Variants in HS3ST1 observed in about 807,000 individuals in gnomAD.
HS3ST1 encodes heparan sulfate-glucosamine 3-sulfotransferase 1, also known as heparan sulfate glucosamine 3-O-sulfotransferase 1.
Under a neutral mutation model 20.7 loss-of-function variants are expected in HS3ST1, and 8 were observed. That is an observed-to-expected ratio of 0.39 (90% CI 0.23 to 0.70). The LOEUF (loss-of-function observed/expected upper bound fraction) is 0.70, where lower values mean the gene tolerates loss of function less well. Among genes scored for constraint, HS3ST1 ranks in the 30% least tolerant of loss-of-function variants. The pLI is 0.46. For missense variants in HS3ST1, 436 were observed against 423.4 expected, an observed-to-expected ratio of 1.03 and a Z score of -0.26; for synonymous variants, 205 against 190.4, an observed-to-expected ratio of 1.08 and a Z score of -0.63.
At chr4:11,406,803 A>G (rs116734864) in intron 1 of HS3ST1, among the ~76,000 whole-genome samples, 1 of 151,930 alleles carries the variant, frequency 6.6e-6, no homozygotes, top group African/African-American at 2.4e-5. Flanking sequence ...GAGTGATTTA[A>G]TTTTCTGGAA....
upstream of HS3ST1, among the ~76,000 whole-genome samples, chr4:11,432,813 A>G (rs1300149356): frequency 6.6e-6 from 1 of 152,234 alleles, no homozygotes; most frequent in Non-Finnish European, 1.5e-5. Context: ...GGTCACAGCC[A>G]TAAAACATGG....
chr4:11,416,015 T>A (rs757215262), intron 1 of HS3ST1, among the ~76,000 whole-genome samples: 21 of 152,022 alleles, frequency 1.4e-4, no homozygotes, highest in Non-Finnish European at 2.8e-4. Flanking sequence ...CTAGAACAGG[T>A]GCCTTCCTGG....
intron 1 of HS3ST1, among the ~76,000 whole-genome samples, chr4:11,420,157 GCA>G (rs1718891909): frequency 6.6e-6 from 1 of 152,174 alleles, no homozygotes; most frequent in Admixed American, 6.5e-5. Context: ...GATATTACAC[GCA>G]ACAGGAACTG....
At position 11,399,769 on chromosome 4, in the gene HS3ST1, G is replaced by A. The variant is rs767267497; in HGVS notation, c.237C>T (p.Asp79=). 3.7e-6 allele frequency: 6 copies of A among 1,613,606 alleles called. No individual in the cohort carries two copies. In the African/African-American group the frequency reaches 5.3e-5, roughly 14 times the overall value. ...GGACCTCGTTCTCCGCGGCCGCCAC[G>A]TCGGGGTGCAGGCTGAGCATCTCCA... The part of the protein sequence containing the change: ...ALLEMLSLHP[D]VAAAENEVHF... The change falls in exon 2 of 2, where the codon GAC becomes GAT. Residue 79 remains aspartate, a synonymous_variant. Coordinates refer to ENST00000002596, the MANE Select transcript of HS3ST1 (RefSeq NM_005114.4). The surrounding 1 kb of genome is among the most constrained non-coding windows in gnomAD (Gnocchi z 5.1).
upstream of HS3ST1, chr4:11,429,075 G>C (rs557233209): frequency 1.6e-4 from 25 of 152,578 alleles, no homozygotes; most frequent in African/African-American, 4.6e-4. Context: ...AGTCCGGCCC[G>C]CTAGGTGCCT....
At chr4:11,417,051 A>G (rs943940301) in intron 1 of HS3ST1, among the ~76,000 whole-genome samples, 5 of 152,182 alleles carry the variant, frequency 3.3e-5, no homozygotes, top group East Asian at 1.9e-4. Flanking sequence ...AGGTATGTAT[A>G]CAGAACAGAG....
chr4:11,398,833 T>C lies in HS3ST1; in HGVS notation c.*249A>G, dbSNP rs185978021. The C allele has an allele frequency of 9.6e-5, 32 of 333,062 alleles. No homozygotes were observed. Among genetic ancestry groups the C allele is most frequent in the African/African-American group, 5.9e-4 (28 of 47,220 alleles). 20.6% of individuals were successfully genotyped at this position (333,062 alleles called of 1,614,324 possible). A position where few individuals can be genotyped will look rare whatever the true frequency, so the allele number is the denominator to read the frequency against. On this transcript the variant is annotated 3_prime_UTR_variant, in exon 2 of 2. Transcript: ENST00000002596. ...TTTTTTTTTTTTCAGTGAAATAGTT[T>C]AGTTCCTTCATATAGAGACATATTA...
intron 1 of HS3ST1, among the ~76,000 whole-genome samples, chr4:11,409,755 C>T (rs949605265): frequency 3.3e-5 from 5 of 152,254 alleles, no homozygotes; most frequent in Non-Finnish European, 7.3e-5. Context: ...GCTGGGACTT[C>T]CTCCACTGTG....
At chr4:11,434,032 C>G (rs1335586629), upstream of HS3ST1, among the ~76,000 whole-genome samples, 1 of 152,160 alleles carries the variant, frequency 6.6e-6, no homozygotes, top group Non-Finnish European at 1.5e-5. Context: ...TAGAGTATGT[C>G]CCTATTGTCC....
intron 1 of HS3ST1, among the ~76,000 whole-genome samples, chr4:11,428,071 G>A (rs879285496): frequency 3.3e-5 from 5 of 152,062 alleles, no homozygotes; most frequent in Non-Finnish European, 5.9e-5. Flanking sequence ...ACCACGAAGG[G>A]GGAAAAAAAT....
At chr4:11,427,817 GCTT>G (rs986707679) in intron 1 of HS3ST1, among the ~76,000 whole-genome samples, 7 of 152,208 alleles carry the variant, frequency 4.6e-5, no homozygotes, top group African/African-American at 1.2e-4. Context: ...TTTGGCTCCA[GCTT>G]CTTCTTCCCA....
At chr4:11,402,625 G>A (rs1029237869) in intron 1 of HS3ST1, among the ~76,000 whole-genome samples, 1 of 152,266 alleles carries the variant, frequency 6.6e-6, no homozygotes, top group Non-Finnish European at 1.5e-5. Context: ...AAGTGAGAGA[G>A]GGACTAACTA....
At chr4:11,403,511 T>C (rs1177271941) in intron 1 of HS3ST1, among the ~76,000 whole-genome samples, 1 of 152,232 alleles carries the variant, frequency 6.6e-6, no homozygotes, top group Admixed American at 6.5e-5. Context: ...CAGTGTCACA[T>C]AGTAAATCTG....
upstream of HS3ST1, among the ~76,000 whole-genome samples, chr4:11,430,049 GT>G (rs1390508904): frequency 6.6e-6 from 1 of 151,966 alleles, no homozygotes; most frequent in African/African-American, 2.4e-5. Context: ...CACCAACATT[GT>G]TTAATTAAAA....
intron 1 of HS3ST1, among the ~76,000 whole-genome samples, chr4:11,423,847 A>C (rs1458401234): frequency 6.6e-6 from 1 of 152,174 alleles, no homozygotes; most frequent in Non-Finnish European, 1.5e-5. Flanking sequence ...CCTGAATTTC[A>C]TATTCCAAAT....
At chr4:11,400,906 T>G (rs1718306813) in intron 1 of HS3ST1, among the ~76,000 whole-genome samples, 1 of 152,194 alleles carries the variant, frequency 6.6e-6, no homozygotes, top group South Asian at 2.1e-4. Context: ...ATGAGAAGAA[T>G]ATGCCCTGGC....
intron 1 of HS3ST1, among the ~76,000 whole-genome samples, chr4:11,410,879 G>A (rs754329860): frequency 8.7e-5 from 13 of 148,722 alleles, no homozygotes; most frequent in East Asian, 4.1e-4. Context: ...GCAACAGAGC[G>A]AGACTCCATC....
chr4:11,399,969 C>G lies in HS3ST1; in HGVS notation c.37G>C (p.Ala13Pro). The change falls in exon 2 of 2, where the codon GCC (alanine) becomes CCC (proline). Residue 13 changes from alanine (A) to proline (P), a missense_variant. Physicochemically the swap from Ala to Pro is conservative, Grantham distance 27 (BLOSUM62 -1). Transcript: ENST00000002596. The surrounding 1 kb of genome is among the most constrained non-coding windows in gnomAD (Gnocchi z 5.1). Reference sequence around the variant, plus strand: ...CGGGAAGGCACTAGCTGGGGCTGGGCCACCAGCAGCACCGCGCCCAGGAGC... The same window carrying G: ...CGGGAAGGCACTAGCTGGGGCTGGGGCACCAGCAGCACCGCGCCCAGGAGC... The part of the protein sequence containing the change: ...ALLLGAVLLV[A>P]QPQLVPSRPA... 6.5e-7 allele frequency: 1 copy of G among 1,550,246 alleles called. No homozygotes were observed. The highest frequency in any genetic ancestry group is 8.7e-7 in the Non-Finnish European group (1 of 1,152,540).
upstream of HS3ST1, among the ~76,000 whole-genome samples, chr4:11,433,099 C>T (rs1201991856): frequency 6.6e-6 from 1 of 152,128 alleles, no homozygotes; most frequent in African/African-American, 2.4e-5. Flanking sequence ...AAAATTATAT[C>T]TTATGATTAC....
Sources: gnomAD v4.1 joint callset for allele counts (sites outside exome capture counted in the v4.1 genomes callset) on GRCh38, gnomAD v4.1.1 for gene constraint, Gnocchi (gnomAD v3.1) non-coding constraint, MANE v1.5 for transcripts, NCBI Gene and HGNC (gene_info 2026-07-23, HGNC 2026-07-21) for gene names.